Variants in TPTE observed in about 807,000 individuals in gnomAD.
TPTE encodes transmembrane phosphatase with tensin homology.
Under a neutral mutation model 84.1 loss-of-function variants are expected in TPTE, and 59 were observed. That is an observed-to-expected ratio of 0.70 (90% CI 0.57 to 0.87). TPTE has a LOEUF of 0.87. Among genes scored for constraint, TPTE ranks in the 40% least tolerant of loss-of-function variants. The pLI is 0.00. For synonymous variants in TPTE, 130 were observed against 223.5 expected (o/e 0.58, Z 3.73); for missense variants, 382 against 659.6 (o/e 0.58, Z 4.61).
chr21:10,571,998 C>T (rs1600927421), intron 14 of TPTE, among the ~76,000 whole-genome samples: 2 of 151,250 alleles, frequency 1.3e-5, no homozygotes, highest in African/African-American at 4.9e-5. Flanking sequence ...GAGTGATACC[C>T]TGTCTCAAAA....
At chr21:10,579,141 T>C (rs548438637) in intron 17 of TPTE, among the ~76,000 whole-genome samples, 1 of 152,424 alleles carries the variant, frequency 6.6e-6, no homozygotes, top group African/African-American at 2.4e-5. Flanking sequence ...TTTTCAAGTA[T>C]ACATTATTAT....
At chr21:10,571,850 C>G (rs879137598) in intron 14 of TPTE, among the ~76,000 whole-genome samples, 1,034 of 150,346 alleles carry the variant, frequency 6.9e-3, no homozygotes, top group Admixed American at 0.066. Flanking sequence ...CTAAAAAATA[C>G]AAAAATTAGT....
At chr21:10,524,104 A>G (rs1397844192) in intron 1 of TPTE, among the ~76,000 whole-genome samples, 4 of 152,310 alleles carry the variant, frequency 2.6e-5, no homozygotes, top group Non-Finnish European at 5.9e-5. Flanking sequence ...CCGTGGACAC[A>G]GAGTTCTTAC....
In TPTE at chr21:10,604,548, A is replaced by G. The variant is rs370721541; in HGVS notation, c.1521-869A>G. Among the ~76,000 whole-genome samples, 593 of 151,118 alleles carry G rather than the reference A, an allele frequency of 3.9e-3. No individual in the cohort carries two copies. The East Asian group carries it at 0.056, about 14-fold the overall frequency. On this transcript the variant is annotated intron_variant, in intron 23 of 23. Coordinates refer to ENST00000618007, the MANE Select transcript of TPTE (RefSeq NM_199261.4). ...TAAACCTCTGGTCTGCACACTTGCA[A>G]TGCAAAACATTTAATGGATTTTGAT...
chr21:10,573,079 A>G (rs1241056946), intron 14 of TPTE, among the ~76,000 whole-genome samples: 2 of 152,086 alleles, frequency 1.3e-5, no homozygotes, highest in African/African-American at 4.8e-5. Flanking sequence ...AAAAAGACCC[A>G]ACTGTATGCT....
At chr21:10,535,523 A>G (rs1367860961) in intron 3 of TPTE, among the ~76,000 whole-genome samples, 3 of 152,310 alleles carry the variant, frequency 2.0e-5, no homozygotes, top group African/African-American at 7.2e-5. Flanking sequence ...ATTGGATAAA[A>G]GAGGATGAAG....
chr21:10,550,529 ATATAAT>A (rs1478575545), intron 7 of TPTE, among the ~76,000 whole-genome samples: 3 of 152,310 alleles, frequency 2.0e-5, no homozygotes, highest in Non-Finnish European at 4.4e-5. Context: ...TCAGCAAGAA[ATATAAT>A]TGTAATATGT....
At chr21:10,537,072 G>A (rs1283980973) in intron 3 of TPTE, among the ~76,000 whole-genome samples, 1 of 152,306 alleles carries the variant, frequency 6.6e-6, no homozygotes, top group Admixed American at 6.5e-5. Flanking sequence ...GAGCAGAGAA[G>A]ACACCTATAA....
intron 7 of TPTE, among the ~76,000 whole-genome samples, 192 bp from the exon 8 acceptor site, chr21:10,552,465 T>A (rs1310042676): frequency 6.6e-6 from 1 of 152,310 alleles, no homozygotes; most frequent in African/African-American, 2.4e-5. Context: ...GTTGGGAGTA[T>A]CCATGAGGAA....
intron 3 of TPTE, among the ~76,000 whole-genome samples, chr21:10,528,609 T>G (rs1343169462): frequency 1.3e-5 from 2 of 152,310 alleles, no homozygotes; most frequent in African/African-American, 2.4e-5. Context: ...AAGCTTCATG[T>G]GTTCAAATAT....
intron 10 of TPTE, among the ~76,000 whole-genome samples, chr21:10,561,640 GCTC>G (rs1431484261): frequency 6.6e-6 from 1 of 152,310 alleles, no homozygotes; most frequent in African/African-American, 2.4e-5. Context: ...ATGGATTGAT[GCTC>G]CTCTGCCTTT....
intron 14 of TPTE, among the ~76,000 whole-genome samples, chr21:10,571,223 C>G (rs1279917105): frequency 6.6e-6 from 1 of 152,312 alleles, no homozygotes; most frequent in East Asian, 1.9e-4. Context: ...ACCATCAGGC[C>G]ACTGAGGCAC....
intron 20 of TPTE, among the ~76,000 whole-genome samples, chr21:10,597,809 T>C (rs563237687): frequency 1.3e-5 from 2 of 151,560 alleles, no homozygotes; most frequent in African/African-American, 4.9e-5. Flanking sequence ...TCTTCTCTCA[T>C]CTTATAAAAT....
At chr21:10,600,103 C>T (rs2075660729) in intron 21 of TPTE, among the ~76,000 whole-genome samples, 1 of 151,914 alleles carries the variant, frequency 6.6e-6, no homozygotes, top group African/African-American at 2.4e-5. Context: ...CGCTGCCCGA[C>T]ATTATTTGTT....
chr21:10,526,115 A>C (rs2074073912), intron 2 of TPTE, among the ~76,000 whole-genome samples: 1 of 152,312 alleles, frequency 6.6e-6, no homozygotes, highest in South Asian at 2.1e-4. Flanking sequence ...ATCCTGCTGA[A>C]AAGTAGCGGA....
intron 3 of TPTE, among the ~76,000 whole-genome samples, chr21:10,528,730 T>A (rs554479753): frequency 3.9e-3 from 591 of 152,152 alleles, no homozygotes; most frequent in African/African-American, 0.014. Flanking sequence ...TGAATTAATT[T>A]TCCACATTTA....
At chr21:10,580,903 A>C (rs1251743816) in intron 17 of TPTE, among the ~76,000 whole-genome samples, 2 of 152,308 alleles carry the variant, frequency 1.3e-5, no homozygotes, top group Non-Finnish European at 2.9e-5. Flanking sequence ...ATTTAAGTTT[A>C]GTTAGATTTT....
intron 20 of TPTE, among the ~76,000 whole-genome samples, chr21:10,596,651 C>T (rs1398004956): frequency 1.3e-5 from 2 of 152,308 alleles, no homozygotes; most frequent in African/African-American, 2.4e-5. Context: ...GGGATGGGGC[C>T]TCACCACTCC....
At chr21:10,556,738 C>G (rs2074691595) in intron 8 of TPTE, among the ~76,000 whole-genome samples, 1 of 152,312 alleles carries the variant, frequency 6.6e-6, no homozygotes, top group African/African-American at 2.4e-5. Context: ...ACCATTCTAA[C>G]TGGTGTGAGA....
Sources: allele counts gnomAD v4.1 joint callset (sites outside exome capture counted in the v4.1 genomes callset), GRCh38; gene constraint gnomAD v4.1.1; transcripts MANE v1.5; gene names NCBI Gene and HGNC (gene_info 2026-07-23, HGNC 2026-07-21).